The following CAMK1D variants were observed in gnomAD, a reference collection of about 807,000 sequenced individuals.
CAMK1D encodes calcium/calmodulin-dependent protein kinase type 1D.
Under a neutral mutation model 47.7 loss-of-function variants are expected in CAMK1D, and 9 were observed. The ratio of observed to expected loss-of-function variants is 0.19; its 90% CI spans 0.11 to 0.33. CAMK1D has a LOEUF of 0.33. Ranked by LOEUF, CAMK1D falls within the 10% of genes least tolerant of loss-of-function variation. CAMK1D has a pLI of 1.00. For missense variants in CAMK1D, 291 were observed against 488.7 expected (o/e 0.60, Z 3.81); for synonymous variants, 184 against 184.9 (o/e 0.99, Z 0.04).
chr10:12,360,095 G>C (rs562087023), intron 1 of CAMK1D, among the ~76,000 whole-genome samples: 1 of 152,288 alleles, frequency 6.6e-6, no homozygotes, highest in South Asian at 2.1e-4. Context: ...ATCACAGGCT[G>C]AGCAGAGGAA....
At chr10:12,770,667 TG>T (rs1169810099) in intron 5 of CAMK1D, among the ~76,000 whole-genome samples, 2 of 151,940 alleles carry the variant, frequency 1.3e-5, no homozygotes, top group Non-Finnish European at 2.9e-5. Context: ...AAACTAAACC[TG>T]GGGGCCTGCC....
At chr10:12,805,445 A>G (rs758304600) in intron 6 of CAMK1D, among the ~76,000 whole-genome samples, 1 of 142,818 alleles carries the variant, frequency 7.0e-6, no homozygotes, top group Non-Finnish European at 1.5e-5. Context: ...ATCTCAGCTC[A>G]CTGCAAACTC....
At chr10:12,558,231 T>C (rs1588630773) in intron 2 of CAMK1D, among the ~76,000 whole-genome samples, 1 of 152,364 alleles carries the variant, frequency 6.6e-6, no homozygotes, top group South Asian at 2.1e-4. Flanking sequence ...GTGGCATTAT[T>C]TATTTCGAGG....
chr10:12,712,611 T>C (rs1038973682), intron 3 of CAMK1D, among the ~76,000 whole-genome samples: 2 of 152,120 alleles, frequency 1.3e-5, no homozygotes, highest in Middle Eastern at 3.2e-3. Flanking sequence ...CGTCTCTTCT[T>C]ATAGGGACAC....
intron 1 of CAMK1D, among the ~76,000 whole-genome samples, chr10:12,448,845 C>T (rs1028790864): frequency 3.9e-5 from 6 of 152,156 alleles, no homozygotes; most frequent in East Asian, 3.9e-4. Flanking sequence ...GGGGCACGTA[C>T]GGCTGAGTCA....
At chr10:12,631,189 GA>G (rs1420953238) in intron 2 of CAMK1D, among the ~76,000 whole-genome samples, 1 of 151,940 alleles carries the variant, frequency 6.6e-6, no homozygotes, top group Non-Finnish European at 1.5e-5. Context: ...CGCTGCTTAG[GA>G]AAAAAAGGTT....
In CAMK1D at chr10:12,433,066, G is replaced by T. The variant is rs1030484586; in HGVS notation, c.92+83156G>T. ...TGTTCCGGGCATGGGAGCAGGTGGG[G>T]CGTGAATTACATAAGATCCAGGGAA... On this transcript the variant is annotated intron_variant, in intron 1 of 10. Transcript: ENST00000619168. 2.6e-5 allele frequency among the ~76,000 whole-genome samples: 4 copies of T among 152,178 alleles called. No homozygotes were observed. The East Asian group carries it at 7.7e-4, about 29-fold the overall frequency.
At chr10:12,408,366 A>G (rs1839524960) in intron 1 of CAMK1D, among the ~76,000 whole-genome samples, 3 of 142,098 alleles carry the variant, frequency 2.1e-5, no homozygotes, top group African/African-American at 7.9e-5. Context: ...GGGTTTTGCC[A>G]TTTTCACCAT....
chr10:12,650,378 G>A (rs1839926438), intron 2 of CAMK1D, among the ~76,000 whole-genome samples: 1 of 152,254 alleles, frequency 6.6e-6, no homozygotes, highest in Non-Finnish European at 1.5e-5. Flanking sequence ...CAGGACATTG[G>A]TCGTGCTGTG....
At chr10:12,419,873 T>C (rs1402241304) in intron 1 of CAMK1D, among the ~76,000 whole-genome samples, 5 of 152,132 alleles carry the variant, frequency 3.3e-5, no homozygotes, top group Non-Finnish European at 7.4e-5. Context: ...ATAAACTAAG[T>C]TGAGTTTTTT....
intron 5 of CAMK1D, among the ~76,000 whole-genome samples, chr10:12,771,172 C>T (rs552784993): frequency 3.5e-4 from 54 of 152,264 alleles, no homozygotes; most frequent in Admixed American, 1.8e-3. Flanking sequence ...TCAGGTGATC[C>T]GCCCACCTCA....
At chr10:12,457,041 G>A (rs114114120) in intron 1 of CAMK1D, among the ~76,000 whole-genome samples, 1,647 of 152,254 alleles carry the variant, frequency 0.011, 26 homozygotes, top group African/African-American at 0.038. Flanking sequence ...GGTTAAAGGG[G>A]TGATGGTGTG....
At chr10:12,455,076 C>G (rs79314327) in intron 1 of CAMK1D, among the ~76,000 whole-genome samples, 40 of 152,270 alleles carry the variant, frequency 2.6e-4, no homozygotes, top group African/African-American at 9.4e-4. Flanking sequence ...AAGCTTCCCT[C>G]GAGGCAGATT....
chr10:12,778,361 G>A (rs751235758), intron 5 of CAMK1D, among the ~76,000 whole-genome samples: 18 of 152,140 alleles, frequency 1.2e-4, no homozygotes, highest in Non-Finnish European at 2.1e-4. Flanking sequence ...TACATGTGGC[G>A]GCTGCCTGGA....
At chr10:12,376,578 A>G (rs979632396) in intron 1 of CAMK1D, among the ~76,000 whole-genome samples, 5 of 151,378 alleles carry the variant, frequency 3.3e-5, no homozygotes, top group African/African-American at 9.7e-5. Context: ...TCAAACCTGT[A>G]CTCCTGTCAT....
chr10:12,522,481 A>C (rs1407205351), intron 1 of CAMK1D, among the ~76,000 whole-genome samples: 1 of 150,964 alleles, frequency 6.6e-6, no homozygotes, highest in Non-Finnish European at 1.5e-5. Flanking sequence ...CTGAGTGGAC[A>C]CAGCACATGT....
chr10:12,801,189 T>C (rs1048859148), intron 6 of CAMK1D, among the ~76,000 whole-genome samples: 4 of 152,088 alleles, frequency 2.6e-5, no homozygotes, highest in African/African-American at 9.7e-5. Context: ...ATGATCACTA[T>C]GTCACTGGAA....
intron 3 of CAMK1D, among the ~76,000 whole-genome samples, chr10:12,711,910 G>A (rs927242658): frequency 1.3e-5 from 2 of 152,196 alleles, no homozygotes; most frequent in African/African-American, 4.8e-5. Context: ...CTATTTAGAT[G>A]TATACCTCCC....
At chr10:12,603,688 G>A (rs1838371256) in intron 2 of CAMK1D, among the ~76,000 whole-genome samples, 1 of 152,110 alleles carries the variant, frequency 6.6e-6, no homozygotes, top group South Asian at 2.1e-4. Flanking sequence ...TTTCCCGCTT[G>A]ACCCATTCCC....
Sources: gnomAD v4.1 joint callset for allele counts (sites outside exome capture counted in the v4.1 genomes callset) on GRCh38, gnomAD v4.1.1 for gene constraint, MANE v1.5 for transcripts, NCBI Gene and HGNC (gene_info 2026-07-23, HGNC 2026-07-21) for gene names.